The following CELF2 variants were observed in gnomAD, a reference collection of about 807,000 sequenced individuals.
CELF2 encodes the protein CUGBP Elav-like family member 2.
In CELF2, 8 loss-of-function variants were observed where a neutral mutation model predicts 62.6. The observed-to-expected ratio is 0.13, with a 90% CI of 0.07 to 0.23. The LOEUF is 0.23. CELF2 is among the 10% of genes least tolerant of loss of function. CELF2 has a pLI of 1.00. For missense variants in CELF2, 333 were observed against 671.0 expected (o/e 0.50, Z 5.56); for synonymous variants, 258 against 250.0 (o/e 1.03, Z -0.30).
chr10:11,211,813 AGTGTGTGTGTGTGTGT>A lies in CELF2; in HGVS notation c.272-5585_272-5570del, dbSNP rs869213973. Among the ~76,000 whole-genome samples the A allele has an allele frequency of 6.7e-5, 6 of 89,360 alleles. No homozygotes were observed. The East Asian group carries it at 1.3e-3, about 20-fold the overall frequency. The allele number at this position is 89,360 out of a possible 152,430, so 58.6% of individuals were successfully genotyped here. A position where few individuals can be genotyped will look rare whatever the true frequency, so the allele number is the denominator to read the frequency against. On this transcript the variant is annotated intron_variant, in intron 2 of 12. Coordinates refer to ENST00000633077, the MANE Select transcript of CELF2 (RefSeq NM_001326342.2). This position sits in a 1 kb window ranked among gnomAD's most constrained non-coding sequence, Gnocchi z 4.8. Reference sequence around the variant, plus strand: ...GTGTGAGAGAGAGAGAGAGAGAGAGAGTGTGTGTGTGTGTGTGTGTGTGTGTGTGTGTGTGTGTGTG... The same window carrying A: ...GTGTGAGAGAGAGAGAGAGAGAGAGAGTGTGTGTGTGTGTGTGTGTGTGTG...
At chr10:11,032,283 G>A (rs2060256827) in intron 1 of CELF2, among the ~76,000 whole-genome samples, 1 of 151,572 alleles carries the variant, frequency 6.6e-6, no homozygotes, top group African/African-American at 2.4e-5. Flanking sequence ...CACAAGATGA[G>A]ACCCAGTTTC....
At chr10:11,273,991 C>G (rs920148956) in intron 7 of CELF2, among the ~76,000 whole-genome samples, 1 of 149,116 alleles carries the variant, frequency 6.7e-6, no homozygotes, top group African/African-American at 2.5e-5. Flanking sequence ...ACCTTGGCCT[C>G]CCAAAGTCCT....
chr10:11,321,676 C>T lies in CELF2; in HGVS notation c.1294+290C>T, dbSNP rs2095445279. Among the ~76,000 whole-genome samples, 1 of 152,194 alleles carries T rather than the reference C, an allele frequency of 6.6e-6. No individual in the cohort carries two copies. The highest frequency in any genetic ancestry group is 2.1e-4 in the South Asian group (1 of 4,830). On this transcript the variant is annotated intron_variant, in intron 11 of 12. Coordinates refer to ENST00000633077, the MANE Select transcript of CELF2 (RefSeq NM_001326342.2). This position sits in a 1 kb window ranked among gnomAD's most constrained non-coding sequence, Gnocchi z 6.2. ...TAGCCACTGCACTCCATTCGGGGAA[C>T]ACAGACATACCCCTCTCTCTCAAAC...
At chr10:10,778,531 C>T in the CELF2 span, among the ~76,000 whole-genome samples, 1 of 152,150 alleles carries the variant, frequency 6.6e-6, no homozygotes. Flanking sequence ...AAATAGAACA[C>T]ATTTCTTATA....
rs1310762493 is a variant in CELF2 at position 11,246,297 on chromosome 10, C to G, written c.355-2856C>G. Among the ~76,000 whole-genome samples the G allele has an allele frequency of 6.6e-6, 1 of 152,128 alleles. No homozygotes were observed. The highest frequency in any genetic ancestry group is 1.5e-5 in the Non-Finnish European group (1 of 68,016). ...TGCGCTCACCTCATCTCTCCCATAT[C>G]TTGAACCTGTGAATCTCAGTGGACT... On this transcript the variant is annotated intron_variant, in intron 3 of 12. Coordinates refer to ENST00000633077, the MANE Select transcript of CELF2 (RefSeq NM_001326342.2). The surrounding 1 kb of genome is among the most constrained non-coding windows in gnomAD (Gnocchi z 4.6).
the CELF2 span, among the ~76,000 whole-genome samples, chr10:10,689,850 T>C: frequency 6.6e-6 from 1 of 152,202 alleles, no homozygotes; most frequent in East Asian, 1.9e-4. Context: ...TATCTATACA[T>C]AACATGTTCC....
chr10:10,593,697 A>G, the CELF2 span, among the ~76,000 whole-genome samples: 7 of 152,182 alleles, frequency 4.6e-5, no homozygotes, highest in African/African-American at 1.7e-4. Flanking sequence ...TTAAACCAGG[A>G]AGATTTGTAT....
intron 1 of CELF2, among the ~76,000 whole-genome samples, chr10:11,049,697 T>C (rs1270560621): frequency 6.6e-6 from 1 of 152,068 alleles, no homozygotes; most frequent in African/African-American, 2.4e-5. Context: ...CATAGAGATA[T>C]GGTTACTCAT....
chr10:10,932,806 G>A (rs2066222401), intron 2 of CELF2, among the ~76,000 whole-genome samples: 1 of 151,994 alleles, frequency 6.6e-6, no homozygotes, highest in Admixed American at 6.6e-5. Context: ...ATCATTGGAG[G>A]GAATATCCCT....
the CELF2 span, among the ~76,000 whole-genome samples, chr10:10,608,129 AAAACAAACAAAC>A: frequency 5.6e-5 from 7 of 125,186 alleles, no homozygotes; most frequent in African/African-American, 1.6e-4. Flanking sequence ...AACTCTGTTA[AAAACAAACAAAC>A]AAACAAACAA....
chr10:10,868,975 CCA>C (rs2060557218), intron 1 of CELF2, among the ~76,000 whole-genome samples: 1 of 152,178 alleles, frequency 6.6e-6, no homozygotes, highest in Non-Finnish European at 1.5e-5. Flanking sequence ...TTAATGTGTA[CCA>C]CACATGTAAA....
chr10:11,143,950 A>G (rs543768655), intron 1 of CELF2, among the ~76,000 whole-genome samples: 2 of 152,202 alleles, frequency 1.3e-5, no homozygotes, highest in South Asian at 4.1e-4. Context: ...TAAATATTGT[A>G]TATTCCCAGC....
intron 1 of CELF2, among the ~76,000 whole-genome samples, chr10:11,097,695 GTT>G (rs1646276903): frequency 1.3e-5 from 2 of 152,276 alleles, no homozygotes; most frequent in African/African-American, 2.4e-5. Context: ...AGCATATTCT[GTT>G]CTTGCCTTTT....
At chr10:10,657,211 A>G in the CELF2 span, among the ~76,000 whole-genome samples, 1 of 152,152 alleles carries the variant, frequency 6.6e-6, no homozygotes, top group East Asian at 1.9e-4. Flanking sequence ...TACACATATG[A>G]CACAGAAAAA....
intron 2 of CELF2, among the ~76,000 whole-genome samples, chr10:10,922,510 G>A (rs986191886): frequency 6.6e-6 from 1 of 152,202 alleles, no homozygotes; most frequent in Non-Finnish European, 1.5e-5. Context: ...TGATTCAGAT[G>A]TCTGAGAAAT....
At position 10,914,984 on chromosome 10, in the gene CELF2, T is replaced by C. The variant is rs1037947208; in HGVS notation, c.54-4980T>C. ...TCTCTACTAAAAATACAAAAAAAAT[T>C]AGCAGGGTGTGGTGGCATGTGCCTG... On this transcript the variant is annotated intron_variant, in intron 1 of 13. Coordinates refer to the CELF2 transcript ENST00000636488. Among the ~76,000 whole-genome samples, 8 of 151,976 alleles carry C rather than the reference T, an allele frequency of 5.3e-5. 1 individual carries two copies. The highest frequency in any genetic ancestry group is 5.2e-4 in the Admixed American group (8 of 15,264).
intron 1 of CELF2, among the ~76,000 whole-genome samples, chr10:10,841,515 C>T (rs1002045124): frequency 2.0e-5 from 3 of 151,294 alleles, no homozygotes; most frequent in African/African-American, 4.9e-5. Context: ...GTTGAAAATA[C>T]CATTCTTTCC....
At chr10:10,498,292 TCA>T in the CELF2 span, among the ~76,000 whole-genome samples, 2 of 152,166 alleles carry the variant, frequency 1.3e-5, no homozygotes, top group African/African-American at 4.8e-5. Context: ...CTATGCAGAC[TCA>T]CAGTAAGGAG....
the CELF2 span, among the ~76,000 whole-genome samples, chr10:10,687,046 C>T: frequency 1.5e-4 from 23 of 152,266 alleles, no homozygotes; most frequent in African/African-American, 5.1e-4. Context: ...ATGCTCCTTA[C>T]CTGTTTCGAT....
Sources: gnomAD v4.1 joint callset for allele counts (sites outside exome capture counted in the v4.1 genomes callset) on GRCh38, gnomAD v4.1.1 for gene constraint, Gnocchi (gnomAD v3.1) non-coding constraint, MANE v1.5 for transcripts, NCBI Gene and HGNC (gene_info 2026-07-23, HGNC 2026-07-21) for gene names.